The following GPM6A variants were observed in gnomAD, a reference collection of about 807,000 sequenced individuals.
GPM6A encodes neuronal membrane glycoprotein M6-a.
A neutral mutation model predicts 32.1 loss-of-function variants in GPM6A; 7 were observed. The ratio of observed to expected loss-of-function variants is 0.22; its 90% CI spans 0.12 to 0.41. GPM6A has a LOEUF of 0.41. Among genes scored for constraint, GPM6A ranks in the 10% least tolerant of loss-of-function variants. GPM6A has a pLI of 1.00. For synonymous variants in GPM6A, 130 were observed against 123.4 expected (o/e 1.05, Z -0.35); for missense variants, 235 against 347.2 (o/e 0.68, Z 2.57).
intron 1 of GPM6A, among the ~76,000 whole-genome samples, chr4:175,855,836 T>C (rs1736397903): frequency 6.6e-6 from 1 of 152,218 alleles, no homozygotes; most frequent in Admixed American, 6.5e-5. Context: ...ATATTATAGG[T>C]TAATATACAC....
chr4:175,914,848 C>T (rs1278665309), intron 1 of GPM6A, among the ~76,000 whole-genome samples: 2 of 152,114 alleles, frequency 1.3e-5, no homozygotes, highest in African/African-American at 4.8e-5. Context: ...TTAACGTTTC[C>T]CTTTGCCATA....
chr4:175,734,086 T>G (rs1273050690), intron 1 of GPM6A, among the ~76,000 whole-genome samples: 1 of 151,518 alleles, frequency 6.6e-6, no homozygotes, highest in Non-Finnish European at 1.5e-5. Context: ...TAAATCTATC[T>G]CTCTTACTGC....
At chr4:175,724,282 C>T (rs561696784) in intron 1 of GPM6A, among the ~76,000 whole-genome samples, 7 of 152,302 alleles carry the variant, frequency 4.6e-5, no homozygotes, top group South Asian at 2.1e-4. Flanking sequence ...TGGTGGCTCA[C>T]GCCTATAATC....
Position 175,913,385 on chromosome 4 carries a change from T to C in GPM6A, c.-23+88924A>G, listed in dbSNP as rs531297852. Among the ~76,000 whole-genome samples, 35 of 152,328 alleles carry C rather than the reference T, an allele frequency of 2.3e-4. No individual in the cohort carries two copies. The South Asian group carries it at 6.4e-3, about 28-fold the overall frequency. ...ACACTGTGTTATACACATAAGGTCA[T>C]GTACTTCTGTTCAGTAACTTGCTCC... On this transcript the variant is annotated intron_variant, in intron 1 of 7. Coordinates refer to the GPM6A transcript ENST00000280187.
At chr4:175,762,568 T>C (rs894853006) in intron 1 of GPM6A, among the ~76,000 whole-genome samples, 1 of 152,106 alleles carries the variant, frequency 6.6e-6, no homozygotes, top group Non-Finnish European at 1.5e-5. Context: ...ACAAAGGATT[T>C]AAATGTCCGA....
At chr4:175,642,611 A>C (rs28460838) in intron 4 of GPM6A, among the ~76,000 whole-genome samples, 17,464 of 152,096 alleles carry the variant, frequency 0.11, 1,538 homozygotes, top group African/African-American at 0.24. Context: ...GTCTTCTAAA[A>C]TCTACAGTTT....
chr4:175,973,135 CTT>C (rs1740558643), intron 1 of GPM6A, among the ~76,000 whole-genome samples: 1 of 152,160 alleles, frequency 6.6e-6, no homozygotes, highest in African/African-American at 2.4e-5. Flanking sequence ...GAGGATTTAA[CTT>C]TATAGATGCA....
At chr4:175,773,295 C>A (rs1733262079) in intron 1 of GPM6A, among the ~76,000 whole-genome samples, 3 of 152,190 alleles carry the variant, frequency 2.0e-5, no homozygotes, top group South Asian at 4.1e-4. Flanking sequence ...GGAGAAAAAT[C>A]TCTATTCTTA....
At chr4:175,822,258 T>C (rs948782500) in intron 1 of GPM6A, among the ~76,000 whole-genome samples, 2 of 152,194 alleles carry the variant, frequency 1.3e-5, no homozygotes, top group African/African-American at 4.8e-5. Flanking sequence ...GGTCATGATA[T>C]GTAATTGCTT....
chr4:175,868,125 AG>A (rs1736797240), intron 1 of GPM6A, among the ~76,000 whole-genome samples: 1 of 152,154 alleles, frequency 6.6e-6, no homozygotes, highest in South Asian at 2.1e-4. Context: ...CAATTTGTTC[AG>A]GTTTTCTTAT....
At chr4:175,872,934 C>A (rs1439384240) in intron 1 of GPM6A, among the ~76,000 whole-genome samples, 1 of 152,020 alleles carries the variant, frequency 6.6e-6, no homozygotes, top group Non-Finnish European at 1.5e-5. Flanking sequence ...TACTAATTAA[C>A]CTTCATAAAG....
intron 2 of GPM6A, among the ~76,000 whole-genome samples, chr4:175,691,592 TAA>T (rs1744301932): frequency 6.6e-6 from 1 of 152,200 alleles, no homozygotes; most frequent in African/African-American, 2.4e-5. Flanking sequence ...TATACCTTTT[TAA>T]ACAATGTTTA....
intron 1 of GPM6A, among the ~76,000 whole-genome samples, chr4:175,725,052 C>T (rs1014055082): frequency 4.6e-5 from 7 of 152,138 alleles, no homozygotes; most frequent in Non-Finnish European, 1.0e-4. Flanking sequence ...CAAATTGTAT[C>T]CTGATTACTC....
chr4:175,793,439 C>T (rs529009952), intron 1 of GPM6A, among the ~76,000 whole-genome samples: 8 of 152,176 alleles, frequency 5.3e-5, no homozygotes, highest in South Asian at 2.1e-4. Flanking sequence ...TGCAGTGGCG[C>T]GATCTCGGCT....
intron 1 of GPM6A, among the ~76,000 whole-genome samples, chr4:175,821,728 ATCTC>A (rs1229475117): frequency 6.6e-6 from 1 of 151,920 alleles, no homozygotes; most frequent in African/African-American, 2.4e-5. Context: ...TTTATACTAA[ATCTC>A]TCAAGACTTT....
chr4:175,764,846 CATTATTATTATTATTATT>C (rs56700410), intron 1 of GPM6A, among the ~76,000 whole-genome samples: 3 of 140,532 alleles, frequency 2.1e-5, no homozygotes, highest in Non-Finnish European at 3.1e-5. Flanking sequence ...AACCCAAAGG[CATTATTATTATTATTATT>C]ATTATTATTA....
At chr4:175,640,682 A>T in intron 5 of GPM6A, 71 bp downstream of exon 5, 2 of 1,022,162 alleles carry the variant, frequency 2.0e-6, no homozygotes, top group Non-Finnish European at 3.0e-6. Flanking sequence ...ATTTAGTTTT[A>T]ATACATTATC....
chr4:175,798,913 T>C (rs1216553326), intron 1 of GPM6A, among the ~76,000 whole-genome samples: 1 of 152,144 alleles, frequency 6.6e-6, no homozygotes, highest in Non-Finnish European at 1.5e-5. Flanking sequence ...AGGTATTCAG[T>C]TTTTGTCTGC....
At chr4:175,708,810 C>T (rs573000728) in intron 1 of GPM6A, among the ~76,000 whole-genome samples, 40 of 152,112 alleles carry the variant, frequency 2.6e-4, no homozygotes, top group Non-Finnish European at 4.1e-4. Context: ...TCTTTGACAA[C>T]AAATTTTTGC....
Sources: allele counts gnomAD v4.1 joint callset (sites outside exome capture counted in the v4.1 genomes callset), GRCh38; gene constraint gnomAD v4.1.1; transcripts MANE v1.5; gene names NCBI Gene and HGNC (gene_info 2026-07-23, HGNC 2026-07-21).